GATA4: variants seen among roughly 807,000 people sequenced by gnomAD.
The protein encoded by GATA4 is transcription factor GATA-4.
GATA4 carries 7 observed loss-of-function variants against 37.9 expected under a neutral mutation model. The observed-to-expected ratio is 0.18, with a 90% CI of 0.11 to 0.35. GATA4 has a LOEUF of 0.35. Among genes scored for constraint, GATA4 ranks in the 10% least tolerant of loss-of-function variants. GATA4 has a pLI of 1.00. For missense variants in GATA4, 647 were observed against 653.0 expected (o/e 0.99, Z 0.10); for synonymous variants, 372 against 292.6 (o/e 1.27, Z -2.77).
chr8:11,677,777 T>C (rs539158792), intron 1 of GATA4, among the ~76,000 whole-genome samples: 1 of 152,156 alleles, frequency 6.6e-6, no homozygotes, highest in African/African-American at 2.4e-5. Context: ...TTCCGATTAT[T>C]CTGGAGCCAG....
chr8:11,733,987 G>T (rs573086799), intron 2 of GATA4, among the ~76,000 whole-genome samples: 23 of 152,290 alleles, frequency 1.5e-4, no homozygotes, highest in African/African-American at 5.5e-4. Flanking sequence ...TTTGCCTTCG[G>T]CCTGCATGTC....
intron 2 of GATA4, among the ~76,000 whole-genome samples, chr8:11,740,630 A>G (rs557120036): frequency 6.6e-6 from 1 of 152,228 alleles, no homozygotes. Flanking sequence ...CTTTGTAAAA[A>G]ATGTATTGGT....
chr8:11,750,668 C>T (rs999625729), intron 4 of GATA4, among the ~76,000 whole-genome samples: 4 of 150,764 alleles, frequency 2.7e-5, no homozygotes, highest in African/African-American at 9.8e-5. Context: ...CATCATGACT[C>T]ATGCCTGTAA....
At chr8:11,703,243 G>C (rs943394450), upstream of GATA4, among the ~76,000 whole-genome samples, 5 of 152,168 alleles carry the variant, frequency 3.3e-5, no homozygotes, top group African/African-American at 1.2e-4. Flanking sequence ...GGGGCTGAAG[G>C]CTGCGGTAAT....
At chr8:11,742,437 A>C (rs566900464) in intron 2 of GATA4, among the ~76,000 whole-genome samples, 37 of 113,130 alleles carry the variant, frequency 3.3e-4, no homozygotes, top group African/African-American at 1.2e-3. Context: ...CCTGTTTGTG[A>C]TTTAGGAAAA....
At position 11,708,379 on chromosome 8, in the gene GATA4, C is replaced by T. The variant is rs954460490; in HGVS notation, c.67C>T (p.Pro23Ser). ...CCCCGGTGCCTACGAGGCGGGCGGC[C>T]CCGGCGCCTTCATGCACGGCGCGGG... ...PPPGAYEAGG[P>S]GAFMHGAGAA... is the part of the protein sequence containing the mutation. The change falls in exon 2 of 7, where the codon CCC becomes TCC. Residue 23 changes from proline (P) to serine (S), a missense_variant. This residue lies in a region of GATA4 where 379 missense variants were observed against 334.5 expected (regional missense o/e 1.13). Coordinates refer to ENST00000532059, the MANE Select transcript of GATA4 (RefSeq NM_001308093.3). This position sits in a 1 kb window ranked among gnomAD's most constrained non-coding sequence, Gnocchi z 6.7. 1.9e-6 allele frequency: 3 copies of T among 1,555,358 alleles called. No individual in the cohort carries two copies. The highest frequency in any genetic ancestry group is 1.2e-5 in the South Asian group (1 of 85,866).
chr8:11,687,312 C>T (rs1355308102), intron 1 of GATA4, among the ~76,000 whole-genome samples: 2 of 152,114 alleles, frequency 1.3e-5, no homozygotes, highest in African/African-American at 4.8e-5. Flanking sequence ...TTTAGGCATC[C>T]ATAGACCACC....
intron 2 of GATA4, among the ~76,000 whole-genome samples, chr8:11,720,280 C>G (rs1800613050): frequency 6.6e-6 from 1 of 152,014 alleles, no homozygotes; most frequent in Non-Finnish European, 1.5e-5. Context: ...TTCAGGCTGA[C>G]TTTGTCTTTC....
intron 1 of GATA4, chr8:11,683,228 A>AG: frequency 1.4e-6 from 1 of 740,546 alleles, no homozygotes. Flanking sequence ...GGAGCGGGGG[A>AG]GGACGGAGGG....
rs182614391 is a variant in GATA4 at position 11,743,220 on chromosome 8, C to T, written c.617-5696C>T. Among the ~76,000 whole-genome samples the T allele has an allele frequency of 4.6e-5, 7 of 152,372 alleles. No homozygotes were observed. In the East Asian group the frequency reaches 1.3e-3, roughly 29 times the overall value. ...GTGATTATTTTTGAGTTGTGCATCC[C>T]CAGCTAGACCAAAACAACTTTGGGC... On this transcript the variant is annotated intron_variant, in intron 2 of 6. Coordinates refer to ENST00000532059, the MANE Select transcript of GATA4 (RefSeq NM_001308093.3).
At chr8:11,733,822 G>C (rs1271520136) in intron 2 of GATA4, among the ~76,000 whole-genome samples, 1 of 152,158 alleles carries the variant, frequency 6.6e-6, no homozygotes, top group African/African-American at 2.4e-5. Context: ...CCACCACCCC[G>C]ATGACACAGG....
At chr8:11,685,842 C>A (rs1022241894) in intron 1 of GATA4, among the ~76,000 whole-genome samples, 1 of 152,086 alleles carries the variant, frequency 6.6e-6, no homozygotes, top group African/African-American at 2.4e-5. Flanking sequence ...ATGGGGGATG[C>A]TGCAAATAGA....
chr8:11,734,853 C>G lies in GATA4; in HGVS notation c.617-14063C>G, dbSNP rs1022565541. Among the ~76,000 whole-genome samples the G allele has an allele frequency of 7.2e-5, 11 of 152,348 alleles. No individual in the cohort carries two copies. In the East Asian group the frequency reaches 2.1e-3, roughly 29 times the overall value. ...GGGCTCCGTCCGATGGCCTGTTCAC[C>G]TCCCAAATGCCCAACCTCCAAATAC... On this transcript the variant is annotated intron_variant, in intron 2 of 6. Coordinates refer to ENST00000532059, the MANE Select transcript of GATA4 (RefSeq NM_001308093.3).
chr8:11,708,008 C>G lies in GATA4; in HGVS notation c.-305C>G, dbSNP rs1336395508. On this transcript the variant is annotated 5_prime_UTR_variant, in exon 2 of 7. Transcript: ENST00000532059. The surrounding 1 kb of genome is among the most constrained non-coding windows in gnomAD (Gnocchi z 6.7). ...GGACGCTGCCCTCCGTCTTCTGCCC[C>G]CAATAGGTGCGCCGGACCTTCAGGC... 4.7e-6 allele frequency: 2 copies of G among 427,528 alleles called. No individual in the cohort carries two copies. The highest frequency in any genetic ancestry group is 2.1e-5 in the South Asian group (1 of 48,078). 26.5% of individuals were successfully genotyped at this position (427,528 alleles called of 1,614,324 possible).
At chr8:11,695,146 C>G (rs1799466495) in intron 1 of GATA4, among the ~76,000 whole-genome samples, 1 of 152,188 alleles carries the variant, frequency 6.6e-6, no homozygotes, top group Non-Finnish European at 1.5e-5. Flanking sequence ...TGGCTCACTC[C>G]TTTAATCCCA....
intron 1 of GATA4, among the ~76,000 whole-genome samples, chr8:11,678,123 A>G (rs1798841897): frequency 6.6e-6 from 1 of 151,942 alleles, no homozygotes; most frequent in South Asian, 2.1e-4. Context: ...GTCATAACCA[A>G]GGCTCTGAGA....
rs1345313654 is a variant in GATA4, at chr8:11,697,637, C to T, written c.-728-2871C>T. The T allele has an allele frequency of 4.1e-6, 4 of 985,346 alleles. No individual in the cohort carries two copies. In the African/African-American group the frequency reaches 7.0e-5, roughly 17 times the overall value. 61.0% of individuals were successfully genotyped at this position (985,346 alleles called of 1,614,324 possible). On this transcript the variant is annotated intron_variant, in intron 1 of 2. Transcript: ENST00000526974. ...GACGGCCGGGCCTCCGGCCCCAGCACAGCCCCCCTTTCAGAGGACCCCGGG... is the reference window on the plus strand; with the variant it reads ...GACGGCCGGGCCTCCGGCCCCAGCATAGCCCCCCTTTCAGAGGACCCCGGG...
chr8:11,732,480 G>A (rs930215640), intron 2 of GATA4, among the ~76,000 whole-genome samples: 1 of 152,172 alleles, frequency 6.6e-6, no homozygotes, highest in Non-Finnish European at 1.5e-5. Context: ...TGAGGCTAGA[G>A]CAACAAAACA....
chr8:11,718,816 G>A (rs969028648), intron 2 of GATA4, among the ~76,000 whole-genome samples: 1 of 152,236 alleles, frequency 6.6e-6, no homozygotes, highest in African/African-American at 2.4e-5. Context: ...GATAGCAACT[G>A]GTGAGCAGGT....
Sources: allele counts gnomAD v4.1 joint callset (sites outside exome capture counted in the v4.1 genomes callset), GRCh38; gene constraint gnomAD v4.1.1; regional missense constraint gnomAD v4.1.1; non-coding constraint Gnocchi (gnomAD v3.1); transcripts MANE v1.5; gene names NCBI Gene and HGNC (gene_info 2026-07-23, HGNC 2026-07-21).